IL1RAPL2: variants seen among roughly 807,000 people sequenced by gnomAD.
IL1RAPL2 encodes the protein interleukin 1 receptor accessory protein like 2, also known as X-linked interleukin-1 receptor accessory protein-like 2.
IL1RAPL2 carries 3 observed loss-of-function variants against 44.1 expected under a neutral mutation model. The observed-to-expected ratio is 0.07, with a 90% confidence interval of 0.03 to 0.18. IL1RAPL2 has a LOEUF of 0.18. Among genes scored for constraint, IL1RAPL2 ranks in the 10% least tolerant of loss-of-function variants. The pLI, the probability that IL1RAPL2 is intolerant of heterozygous loss-of-function variation, is 1.00. For missense variants in IL1RAPL2, 391 were observed against 496.4 expected (o/e 0.79, Z 2.02); for synonymous variants, 181 against 178.8 (o/e 1.01, Z -0.10).
chrX:105,719,179 T>C (rs1244115501), intron 7 of IL1RAPL2, among the ~76,000 whole-genome samples: 1 of 111,717 alleles, frequency 9.0e-6, no homozygotes, highest in African/African-American at 3.3e-5. Context: ...AAATAAAATG[T>C]GGTACATTCA....
chrX:105,236,626 C>G (rs997693623), intron 4 of IL1RAPL2, among the ~76,000 whole-genome samples: 2 of 111,383 alleles, frequency 1.8e-5, no homozygotes, highest in Non-Finnish European at 3.8e-5. Context: ...CTACAGTATA[C>G]TAACGGATTA....
intron 2 of IL1RAPL2, among the ~76,000 whole-genome samples, chrX:104,899,245 T>C (rs1447849508): frequency 1.8e-5 from 2 of 112,459 alleles, no homozygotes; most frequent in African/African-American, 6.4e-5. Context: ...AATTTTGTTA[T>C]AAGCTTTAAT....
chrX:104,595,294 A>G (rs1446725606), intron 1 of IL1RAPL2, among the ~76,000 whole-genome samples: 1 of 111,296 alleles, frequency 9.0e-6, no homozygotes, highest in Non-Finnish European at 1.9e-5. Context: ...CTCTGGCTTG[A>G]GCTAGTAGCT....
intron 2 of IL1RAPL2, among the ~76,000 whole-genome samples, chrX:104,904,979 T>G (rs1335847006): frequency 1.8e-5 from 2 of 111,210 alleles, no homozygotes; most frequent in South Asian, 7.8e-4. Flanking sequence ...TTCCTGACTT[T>G]TTAATGATTG....
intron 2 of IL1RAPL2, among the ~76,000 whole-genome samples, chrX:105,016,603 T>C (rs2031182100): frequency 8.9e-6 from 1 of 112,020 alleles, no homozygotes; most frequent in Non-Finnish European, 1.9e-5. Flanking sequence ...TCTGTTTATG[T>C]GATGGATTAT....
intron 5 of IL1RAPL2, among the ~76,000 whole-genome samples, chrX:105,305,731 A>G (rs1432308282): frequency 3.6e-5 from 4 of 112,028 alleles, no homozygotes; most frequent in Non-Finnish European, 7.5e-5. Context: ...ACTATGTCTA[A>G]TATTCCACAC....
At chrX:105,590,836 T>C (rs181930207) in intron 6 of IL1RAPL2, among the ~76,000 whole-genome samples, 35,538 of 102,184 alleles carry the variant, frequency 0.35, 4,701 homozygotes, top group African/African-American at 0.41. Context: ...TGTGTGTGTG[T>C]GTGTGTGTGT....
intron 5 of IL1RAPL2, among the ~76,000 whole-genome samples, chrX:105,358,041 A>G (rs1274171876): frequency 4.4e-5 from 4 of 91,151 alleles, no homozygotes; most frequent in African/African-American, 2.1e-4. Flanking sequence ...TATTTCTAAA[A>G]AAAAAAAAAA....
intron 5 of IL1RAPL2, among the ~76,000 whole-genome samples, chrX:105,459,845 A>G (rs2036081033): frequency 8.9e-6 from 1 of 111,736 alleles, no homozygotes; most frequent in African/African-American, 3.2e-5. Context: ...AAGCATCAAA[A>G]TTCACAATTA....
intron 2 of IL1RAPL2, among the ~76,000 whole-genome samples, chrX:104,958,521 C>T (rs778608121): frequency 3.0e-5 from 3 of 101,448 alleles, no homozygotes; most frequent in Non-Finnish European, 6.0e-5. Context: ...CTTTTGTAAA[C>T]CTGACCACAG....
intron 6 of IL1RAPL2, among the ~76,000 whole-genome samples, chrX:105,630,517 A>G (rs867992259): frequency 1.5e-5 from 1 of 66,859 alleles, no homozygotes; most frequent in Non-Finnish European, 2.7e-5. Flanking sequence ...TTTTTTTTTT[A>G]ACTAAAGGGT....
At chrX:105,000,941 G>C (rs767514576) in intron 2 of IL1RAPL2, among the ~76,000 whole-genome samples, 1 of 111,175 alleles carries the variant, frequency 9.0e-6, no homozygotes, top group Non-Finnish European at 1.9e-5. Flanking sequence ...CCCTAGCATT[G>C]TCCAACACCC....
chrX:104,870,656 G>A (rs1922737643), intron 2 of IL1RAPL2, among the ~76,000 whole-genome samples: 1 of 111,510 alleles, frequency 9.0e-6, no homozygotes, highest in East Asian at 2.8e-4. Flanking sequence ...TGCATTCTTT[G>A]TAACTTTCTC....
rs1191875654 is a variant in IL1RAPL2 at position 104,594,586 on chromosome X, T to G, written c.-20+27535T>G. 3.6e-5 allele frequency among the ~76,000 whole-genome samples: 4 copies of G among 112,053 alleles called. No homozygotes were observed. In the Admixed American group the frequency reaches 3.8e-4, roughly 11 times the overall value. On this transcript the variant is annotated intron_variant, in intron 1 of 10. Coordinates refer to ENST00000372582, the MANE Select transcript of IL1RAPL2 (RefSeq NM_017416.2). ...AATAAGACATATGTGCTCCTGCCCT[T>G]TTAGAACTTACAGTCTATTGAGCAA...
chrX:104,863,288 A>G (rs1033418372), intron 2 of IL1RAPL2, among the ~76,000 whole-genome samples: 13 of 111,773 alleles, frequency 1.2e-4, no homozygotes, highest in African/African-American at 4.2e-4. Flanking sequence ...GCCAGTTGAT[A>G]AATGTGGATC....
intron 2 of IL1RAPL2, among the ~76,000 whole-genome samples, chrX:105,020,326 T>G (rs1392431900): frequency 1.8e-5 from 2 of 111,518 alleles, no homozygotes; most frequent in African/African-American, 6.5e-5. Flanking sequence ...TTTCCTTCTC[T>G]GTAAAATGGA....
intron 2 of IL1RAPL2, among the ~76,000 whole-genome samples, chrX:105,131,311 C>T (rs1014797085): frequency 6.4e-5 from 7 of 109,793 alleles, no homozygotes; most frequent in African/African-American, 2.3e-4. Flanking sequence ...CTGTAAAAGG[C>T]CAGATAGTAA....
chrX:105,652,614 A>C (rs1049057840), intron 6 of IL1RAPL2, among the ~76,000 whole-genome samples: 1 of 111,501 alleles, frequency 9.0e-6, no homozygotes, highest in African/African-American at 3.2e-5. Flanking sequence ...GATACAGATT[A>C]TTGTTCAGAG....
At chrX:104,889,367 C>T (rs1355179744) in intron 2 of IL1RAPL2, among the ~76,000 whole-genome samples, 3 of 111,782 alleles carry the variant, frequency 2.7e-5, no homozygotes, top group African/African-American at 9.8e-5. Flanking sequence ...TCCCAACACC[C>T]TTCCACCCGC....
Sources: gnomAD v4.1 joint callset for allele counts (sites outside exome capture counted in the v4.1 genomes callset) on GRCh38, gnomAD v4.1.1 for gene constraint, MANE v1.5 for transcripts, NCBI Gene and HGNC (gene_info 2026-07-23, HGNC 2026-07-21) for gene names.